The following TOP2A variants were observed in gnomAD, a reference collection of about 807,000 sequenced individuals.
TOP2A encodes DNA topoisomerase 2-alpha.
In TOP2A, 68 loss-of-function variants were observed where a neutral mutation model predicts 187.2. That is an observed-to-expected ratio of 0.36 (90% confidence interval 0.30 to 0.44). The LOEUF is 0.44. Ranked by LOEUF, TOP2A falls within the 20% of genes least tolerant of loss-of-function variation. The pLI is 1.00. For synonymous variants in TOP2A, 542 were observed against 593.2 expected, an observed-to-expected ratio of 0.91 and a Z score of 1.25; for missense variants, 1,196 against 1,808.7, an observed-to-expected ratio of 0.66 and a Z score of 6.14.
rs1432353456 is a variant in TOP2A, at chr17:40,403,067, A to C, written c.2284-13T>G. 2 of 1,585,522 alleles carry C rather than the reference A, an allele frequency of 1.3e-6. No individual in the cohort carries two copies. The highest frequency in any genetic ancestry group is 2.3e-5 in the East Asian group (1 of 44,212). ...TCATTAGTGACATCTGTGGGGAAAA[A>C]AAGATTCATTAAGCTGAGGCTTTTA... On this transcript the variant is annotated splice_polypyrimidine_tract_variant and intron_variant, in intron 19 of 34. Transcript: ENST00000423485.
Position 40,416,183 on chromosome 17 carries a change from A to G in TOP2A, c.269-115T>C, listed in dbSNP as rs555478156. 9 of 895,704 alleles carry G rather than the reference A, an allele frequency of 1.0e-5. No individual in the cohort carries two copies. In the East Asian group the frequency reaches 2.4e-4, roughly 24 times the overall value. The allele number at this position is 895,704 out of a possible 1,614,324, so 55.5% of individuals were successfully genotyped here. A position where few individuals can be genotyped will look rare whatever the true frequency, so the allele number is the denominator to read the frequency against. ...CAAACAGCACAGGAGTGGCATTAAC[A>G]AGGTGTTAATTTAGCAATTTTTGTC... On this transcript the variant is annotated intron_variant, in intron 3 of 34. Coordinates refer to ENST00000423485, the MANE Select transcript of TOP2A (RefSeq NM_001067.4).
At chr17:40,394,964 T>C (rs1046984879) in intron 29 of TOP2A, among the ~76,000 whole-genome samples, 1 of 152,180 alleles carries the variant, frequency 6.6e-6, no homozygotes, top group African/African-American at 2.4e-5. Flanking sequence ...ATATTTTCTA[T>C]AATGAATCAA....
Position 40,411,532 on chromosome 17 carries a change from A to ACCT in TOP2A, c.964-80_964-78dup. 1.3e-6 allele frequency: 2 copies of ACCT among 1,560,498 alleles called. No homozygotes were observed. Among genetic ancestry groups the ACCT allele is most frequent in the South Asian group, 2.2e-5 (2 of 89,878 alleles). On this transcript the variant is annotated intron_variant, in intron 8 of 34. Transcript: ENST00000423485. The surrounding 1 kb of genome is among the most constrained non-coding windows in gnomAD (Gnocchi z 4.4). ...TAATCAAACATTAAAAACTAATTTA[A>ACCT]CCTCCTTTATACTAAGCTAGCCCAA...
chr17:40,411,066 TA>T lies in TOP2A; in HGVS notation c.1203+42del. 1.3e-6 allele frequency: 2 copies of T among 1,537,116 alleles called. No individual in the cohort carries two copies. Among genetic ancestry groups the T allele is most frequent in the Non-Finnish European group, 1.7e-6 (2 of 1,144,758 alleles). On this transcript the variant is annotated intron_variant, in intron 10 of 34. Coordinates refer to ENST00000423485, the MANE Select transcript of TOP2A (RefSeq NM_001067.4). This position sits in a 1 kb window ranked among gnomAD's most constrained non-coding sequence, Gnocchi z 4.4. ...CAGAGCTAAGAAGTGCAATGGAAAA[TA>T]AAGTCAGGTGTTTCTATTTTTATTT...
At chr17:40,390,722 G>C (rs1212223690) in intron 33 of TOP2A, among the ~76,000 whole-genome samples, 2 of 149,630 alleles carry the variant, frequency 1.3e-5, no homozygotes, top group Non-Finnish European at 3.0e-5. Context: ...CTGCCTCCTG[G>C]GTTCAAGTGA....
intron 3 of TOP2A, 107 bp from the exon 4 acceptor site, chr17:40,416,175 G>C: frequency 1.1e-6 from 1 of 912,568 alleles, no homozygotes; most frequent in Non-Finnish European, 1.7e-6. Flanking sequence ...CACAGGAGTG[G>C]CATTAACAAG....
intron 33 of TOP2A, 150 bp from the exon 34 acceptor site, chr17:40,390,314 G>C (rs1022570998): frequency 2.8e-6 from 2 of 701,798 alleles, no homozygotes. Context: ...TCAGCCTCCT[G>C]AGTAGCTGGG....
Position 40,391,548 on chromosome 17 carries a change from C to T in TOP2A, c.4225G>A (p.Val1409Ile). 6.2e-7 allele frequency: 1 copy of T among 1,613,244 alleles called. No individual in the cohort carries two copies. Among genetic ancestry groups the T allele is most frequent in the East Asian group, 2.2e-5 (1 of 44,820 alleles). The change falls in exon 33 of 35, where the codon GTT becomes ATT. Residue 1409 changes from valine to isoleucine, a missense_variant. Physicochemically the swap from Val to Ile is conservative, Grantham distance 29. This residue lies in a region of TOP2A where 374 missense variants were observed against 403.3 expected (regional missense o/e 0.93). Coordinates refer to ENST00000423485, the MANE Select transcript of TOP2A (RefSeq NM_001067.4). ...FPDETEITNP[V>I]PKKNVTVKKT... Reference sequence around the variant, plus strand: ...TTCACTGTCACATTCTTTTTAGGAACTGGGTTTGTAATTTCAGTTTCATCT... The same window carrying T: ...TTCACTGTCACATTCTTTTTAGGAATTGGGTTTGTAATTTCAGTTTCATCT...
chr17:40,399,348 T>A (rs1412009902), intron 24 of TOP2A: 1 of 368,376 alleles, frequency 2.7e-6, no homozygotes, highest in East Asian at 5.2e-5. Context: ...CAAATCATTT[T>A]TTTTTGGAGA....
intron 1 of TOP2A, 125 bp downstream of exon 1, chr17:40,417,646 G>A: frequency 1.9e-6 from 3 of 1,547,528 alleles, no homozygotes; most frequent in Non-Finnish European, 2.6e-6. Context: ...CGGGAATGGA[G>A]AATATGGGCT....
In TOP2A at chr17:40,389,574, C is replaced by A. The variant is rs544998359; in HGVS notation, c.4541G>T (p.Arg1514Leu). Reference sequence around the variant, plus strand: ...CAGGTACTTTATAGGTTTCTTTGCCCGTACAGATTTTGCCCGAGGAGCCAC... The same window carrying A: ...CAGGTACTTTATAGGTTTCTTTGCCAGTACAGATTTTGCCCGAGGAGCCAC... Reference protein sequence around the residue: ...SAVAPRAKSVRAKKPIKYLEE... With the variant: ...SAVAPRAKSVLAKKPIKYLEE... The change falls in exon 35 of 35, where the codon CGG (arginine) becomes CTG (leucine). Residue 1514 changes from arginine (R) to leucine (L), a missense_variant. Transcript: ENST00000423485. The A allele has an allele frequency of 2.4e-5, 38 of 1,603,830 alleles. No individual in the cohort carries two copies. Among genetic ancestry groups the A allele is most frequent in the Non-Finnish European group, 2.9e-5 (34 of 1,174,872 alleles).
chr17:40,406,292 T>C (rs539994231), intron 16 of TOP2A, 92 bp downstream of exon 16: 1 of 785,260 alleles, frequency 1.3e-6, no homozygotes, highest in African/African-American at 1.7e-5. Context: ...TTTTTTTTGA[T>C]ACGGAGTCTT....
At chr17:40,403,713 C>G (rs939597134) in intron 19 of TOP2A, among the ~76,000 whole-genome samples, 46 of 152,096 alleles carry the variant, frequency 3.0e-4, no homozygotes, top group African/African-American at 1.1e-3. Flanking sequence ...CTAAAGTGAA[C>G]AATTTGGAAC....
At chr17:40,406,279 CTT>C in intron 16 of TOP2A, 103 bp downstream of exon 16, 4 of 677,516 alleles carry the variant, frequency 5.9e-6, no homozygotes, top group Admixed American at 3.2e-5. Context: ...ATAAAACATT[CTT>C]TTTTTTTTGA....
chr17:40,399,257 A>G, intron 24 of TOP2A, 126 bp from the exon 25 acceptor site: 2 of 689,974 alleles, frequency 2.9e-6, no homozygotes, highest in Non-Finnish European at 2.4e-6. Context: ...ATAAATTTGT[A>G]TATCCCGGTA....
chr17:40,397,264 TC>T (rs1185627032), intron 27 of TOP2A, among the ~76,000 whole-genome samples: 3 of 148,792 alleles, frequency 2.0e-5, no homozygotes, highest in Admixed American at 6.8e-5. Flanking sequence ...TCTGAAACCA[TC>T]TGGATAGCCC....
At chr17:40,399,481 T>C (rs537707603) in intron 24 of TOP2A, among the ~76,000 whole-genome samples, 2 of 151,350 alleles carry the variant, frequency 1.3e-5, no homozygotes, top group Non-Finnish European at 2.9e-5. Flanking sequence ...ACCCAGAGAG[T>C]AGAAGCCATT....
At chr17:40,395,618 G>A in intron 28 of TOP2A, 79 bp from the exon 29 acceptor site, 1 of 1,042,290 alleles carries the variant, frequency 9.6e-7, no homozygotes, top group Non-Finnish European at 1.4e-6. Flanking sequence ...ATTTTTGGCT[G>A]GGAGCGGTGG....
intron 19 of TOP2A, among the ~76,000 whole-genome samples, chr17:40,403,692 C>G (rs2035207445): frequency 6.6e-6 from 1 of 152,190 alleles, no homozygotes; most frequent in Non-Finnish European, 1.5e-5. Flanking sequence ...CTTTCCAGTT[C>G]TCAGGGGTAA....
Sources: allele counts gnomAD v4.1 joint callset (sites outside exome capture counted in the v4.1 genomes callset), GRCh38; gene constraint gnomAD v4.1.1; regional missense constraint gnomAD v4.1.1; non-coding constraint Gnocchi (gnomAD v3.1); transcripts MANE v1.5; gene names NCBI Gene and HGNC (gene_info 2026-07-23, HGNC 2026-07-21).